The following SERHL2 variants were observed in gnomAD, a reference collection of about 807,000 sequenced individuals.
SERHL2 encodes serine hydrolase-like protein 2.
Under a neutral mutation model 25.5 loss-of-function variants are expected in SERHL2, and 29 were observed. That is an observed-to-expected ratio of 1.14 (90% CI 0.85 to 1.55). SERHL2 has a LOEUF of 1.55. Ranked by LOEUF, SERHL2 falls within the 40% of genes most tolerant of loss-of-function variation. SERHL2 has a pLI of 0.00. For missense variants in SERHL2, 240 were observed against 252.3 expected, an observed-to-expected ratio of 0.95 and a Z score of 0.33; for synonymous variants, 95 against 103.5, an observed-to-expected ratio of 0.92 and a Z score of 0.50.
intron 9 of SERHL2, 42 bp downstream of exon 9, chr22:42,566,380 G>T (rs1161870288): frequency 6.2e-7 from 1 of 1,603,008 alleles, no homozygotes; most frequent in African/African-American, 1.3e-5. Flanking sequence ...AGGTTTGCCT[G>T]TTAGCGTCTT....
chr22:42,567,721 T>TTTTTTATTATTATTATTATTA (rs1556001031), intron 9 of SERHL2, among the ~76,000 whole-genome samples: 1 of 132,012 alleles, frequency 7.6e-6, no homozygotes, highest in African/African-American at 2.5e-5. Context: ...TTTCTTTAAT[T>TTTTTTATTATTATTATTATTA]TTATTATTAT....
chr22:42,562,478 G>A (rs957073290), intron 8 of SERHL2, among the ~76,000 whole-genome samples: 2 of 151,848 alleles, frequency 1.3e-5, no homozygotes, highest in African/African-American at 2.4e-5. Flanking sequence ...TCAGGAGCCC[G>A]TTGGCTTGTG....
intron 8 of SERHL2, among the ~76,000 whole-genome samples, 166 bp downstream of exon 8, chr22:42,560,431 A>ATT (rs1922547267): frequency 6.6e-6 from 1 of 151,990 alleles, no homozygotes; most frequent in African/African-American, 2.4e-5. Context: ...GGAGAAACCA[A>ATT]GGCTCAGCAT....
At chr22:42,563,375 G>A in intron 8 of SERHL2, 1 of 414,050 alleles carries the variant, frequency 2.4e-6, no homozygotes, top group Admixed American at 2.7e-5. Flanking sequence ...GCTAATTTTT[G>A]TATTTTTTTG....
chr22:42,564,869 C>A (rs1245950918), intron 8 of SERHL2, among the ~76,000 whole-genome samples: 1 of 151,992 alleles, frequency 6.6e-6, no homozygotes. Flanking sequence ...AGGATCTCGG[C>A]TCACTGCAGC....
intron 9 of SERHL2, chr22:42,568,979 T>TC (rs1415978834): frequency 6.6e-6 from 1 of 151,666 alleles, no homozygotes; most frequent in Non-Finnish European, 1.5e-5. Context: ...CCTCCTGGGA[T>TC]CAAGGGATTG....
intron 8 of SERHL2, among the ~76,000 whole-genome samples, chr22:42,561,985 G>A (rs1264625161): frequency 6.6e-6 from 1 of 151,778 alleles, no homozygotes; most frequent in Admixed American, 6.6e-5. Flanking sequence ...AACAGTGAAT[G>A]CAGGATGCTG....
chr22:42,566,430 C>A, intron 9 of SERHL2, 92 bp downstream of exon 9: 2 of 1,256,588 alleles, frequency 1.6e-6, no homozygotes, highest in Non-Finnish European at 1.1e-6. Flanking sequence ...TGGTGGCTCA[C>A]GCCTGTAATC....
At chr22:42,559,575 G>A (rs527861068) in intron 7 of SERHL2, among the ~76,000 whole-genome samples, 45 of 151,580 alleles carry the variant, frequency 3.0e-4, no homozygotes, top group Non-Finnish European at 4.0e-4. Flanking sequence ...GGTGGTGGCG[G>A]GCGCCTGAAT....
chr22:42,562,208 G>A (rs1480875452), intron 8 of SERHL2, among the ~76,000 whole-genome samples: 1 of 151,734 alleles, frequency 6.6e-6, no homozygotes, highest in Non-Finnish European at 1.5e-5. Context: ...GTGCCTCAAG[G>A]ACAATGTAGG....
intron 1 of SERHL2, 34 bp downstream of exon 1, chr22:42,554,076 T>G (rs776749120): frequency 6.2e-7 from 1 of 1,610,586 alleles, no homozygotes; most frequent in Admixed American, 1.7e-5. Flanking sequence ...AGCGTCCCAC[T>G]GCCCACCCAC....
intron 8 of SERHL2, among the ~76,000 whole-genome samples, chr22:42,565,761 G>A (rs1303672882): frequency 6.6e-6 from 1 of 151,898 alleles, no homozygotes; most frequent in Non-Finnish European, 1.5e-5. Context: ...TCTTACCTGT[G>A]TAATTTTTCC....
chr22:42,564,501 G>A (rs979444960), intron 8 of SERHL2, among the ~76,000 whole-genome samples: 12 of 150,768 alleles, frequency 8.0e-5, no homozygotes, highest in Non-Finnish European at 1.8e-4. Flanking sequence ...GCACAATCTC[G>A]GCTCACCGCA....
intron 10 of SERHL2, 107 bp downstream of exon 10, chr22:42,571,310 C>A (rs1385955107): frequency 6.4e-7 from 1 of 1,557,396 alleles, no homozygotes; most frequent in Non-Finnish European, 8.7e-7. Flanking sequence ...GCGTGTCGAC[C>A]ACATCGCTAA....
rs762475304 is a variant in SERHL2, at chr22:42,574,063, C to G, written c.*8C>G. 8 of 1,611,830 alleles carry G rather than the reference C, an allele frequency of 5.0e-6. No homozygotes were observed. The Admixed American group carries it at 1.0e-4, about 20-fold the overall frequency. On this transcript the variant is annotated 3_prime_UTR_variant, in exon 12 of 12. Transcript: ENST00000327678. Reference sequence around the variant, plus strand: ...CTCCCAGCCCAGCTGTAGCTCTGGGCCTGGAACTATGAAGACCTAGTGCTC... The same window carrying G: ...CTCCCAGCCCAGCTGTAGCTCTGGGGCTGGAACTATGAAGACCTAGTGCTC...
intron 9 of SERHL2, among the ~76,000 whole-genome samples, chr22:42,567,513 A>C (rs1300196663): frequency 6.7e-6 from 1 of 148,988 alleles, no homozygotes. Context: ...AAATGCAAAA[A>C]ATTAGCCGGG....
chr22:42,564,522 C>G (rs1473584402), intron 8 of SERHL2, among the ~76,000 whole-genome samples: 1 of 151,622 alleles, frequency 6.6e-6, no homozygotes, highest in Non-Finnish European at 1.5e-5. Flanking sequence ...ACCTCCACCT[C>G]CTGGGTTCAA....
At chr22:42,559,793 G>T (rs986233841) in intron 7 of SERHL2, among the ~76,000 whole-genome samples, 1 of 151,718 alleles carries the variant, frequency 6.6e-6, no homozygotes, top group Non-Finnish European at 1.5e-5. Flanking sequence ...TGCTGCCCTT[G>T]TCTCCATTTT....
chr22:42,572,138 G>A (rs142545743), intron 10 of SERHL2, among the ~76,000 whole-genome samples: 44 of 152,184 alleles, frequency 2.9e-4, no homozygotes, highest in African/African-American at 9.4e-4. Context: ...GGGCTCCAGC[G>A]CCTGTTCAGA....
Sources: allele counts gnomAD v4.1 joint callset (sites outside exome capture counted in the v4.1 genomes callset), GRCh38; gene constraint gnomAD v4.1.1; transcripts MANE v1.5; gene names NCBI Gene and HGNC (gene_info 2026-07-23, HGNC 2026-07-21).